Variants in ZNF28 observed in about 807,000 individuals in gnomAD.
The protein encoded by ZNF28 is zinc finger protein 28.
ZNF28 carries 5 observed loss-of-function variants against 7.2 expected under a neutral mutation model. The observed-to-expected ratio is 0.70, with a 90% CI of 0.36 to 1.46. The LOEUF (loss-of-function observed/expected upper bound fraction) is 1.46. Ranked by LOEUF, ZNF28 falls within the 40% of genes most tolerant of loss-of-function variation. ZNF28 has a pLI of 0.03. For synonymous variants in ZNF28, 288 were observed against 292.4 expected, an observed-to-expected ratio of 0.99 and a Z score of 0.15; for missense variants, 879 against 866.6, an observed-to-expected ratio of 1.01 and a Z score of -0.18.
At chr19:52,811,584 A>T (rs1465428236) in intron 2 of ZNF28, among the ~76,000 whole-genome samples, 2 of 137,324 alleles carry the variant, frequency 1.5e-5, no homozygotes, top group Non-Finnish European at 3.1e-5. Context: ...CTGGGCCGCA[A>T]CCCTGTCTGG....
chr19:52,815,773 C>T (rs1402262263), intron 2 of ZNF28, among the ~76,000 whole-genome samples: 2 of 145,972 alleles, frequency 1.4e-5, no homozygotes, highest in Non-Finnish European at 3.0e-5. Context: ...TGCAGTGAGC[C>T]GAGATTGCAC....
At position 52,800,696 on chromosome 19, in the gene ZNF28, A is replaced by T; in HGVS notation, c.1149T>A (p.Tyr383Ter). Residue 383 changes from tyrosine (Y) to a stop codon, truncating the protein, a stop_gained, in exon 4 of 4, where the codon TAT becomes TAA. Coordinates refer to ENST00000457749, the MANE Select transcript of ZNF28 (RefSeq NM_006969.5). LOFTEE classifies it low-confidence loss of function (END_TRUNC). The stretch of plus-strand genomic sequence containing the variant: ...AAACTTTTTCACATTCTTCACATTC[A>T]TAAGGTTTCTCTCCAGTATGAAGCC... ...HRRLHTGEKP[Y>*]ECEECEKVFS... 2 of 1,612,334 alleles carry T rather than the reference A, an allele frequency of 1.2e-6. No homozygotes were observed. Among genetic ancestry groups the T allele is most frequent in the South Asian group, 2.2e-5 (2 of 91,002 alleles).
At chr19:52,807,759 G>T in intron 3 of ZNF28, 1 of 640,276 alleles carries the variant, frequency 1.6e-6, no homozygotes, top group Non-Finnish European at 2.5e-6. Flanking sequence ...ACAGGCGTGA[G>T]CCACCACGAC....
At position 52,797,585 on chromosome 19, in the gene ZNF28, A is replaced by G. The variant is rs929014385; in HGVS notation, c.*2103T>C. On this transcript the variant is annotated 3_prime_UTR_variant, in exon 4 of 4. Transcript: ENST00000457749. ...CATTAACATTAAATAATTTTAAAATAAAATTAAAAACCACTTCCATTTGCT... is the reference window on the plus strand; with the variant it reads ...CATTAACATTAAATAATTTTAAAATGAAATTAAAAACCACTTCCATTTGCT... 1.0e-4 allele frequency: 16 copies of G among 152,644 alleles called. No homozygotes were observed. The highest frequency in any genetic ancestry group is 4.1e-4 in the South Asian group (2 of 4,830). The allele number at this position is 152,644 out of a possible 1,614,324, so 9.5% of individuals were successfully genotyped here. A position where few individuals can be genotyped will look rare whatever the true frequency, so the allele number is the denominator to read the frequency against.
At chr19:52,806,229 T>C (rs2062935300) in intron 3 of ZNF28, among the ~76,000 whole-genome samples, 1 of 152,108 alleles carries the variant, frequency 6.6e-6, no homozygotes, top group South Asian at 2.1e-4. Context: ...AGTTTCACTC[T>C]GTCTCCCATG....
At chr19:52,810,032 G>C in intron 2 of ZNF28, 3 of 739,472 alleles carry the variant, frequency 4.1e-6, no homozygotes, top group Admixed American at 2.0e-5. Flanking sequence ...CCGAAGAGGA[G>C]CCGCTCCAGC....
In ZNF28 at chr19:52,801,595, C is replaced by T. The variant is rs2062872334; in HGVS notation, c.250G>A (p.Asp84Asn). The change falls in exon 4 of 4, where the codon GAT becomes AAT. Residue 84 changes from aspartate (D) to asparagine (N), a missense_variant. By Grantham distance (23) the Asp-to-Asn change is conservative. This residue lies in a region of ZNF28 where 864 missense variants were observed against 830.2 expected (regional missense o/e 1.04). Transcript: ENST00000457749. Reference sequence around the variant, plus strand: ...TTCTCAATTTTCTGGAAGCAAAAATCTCCAATGTGATGACTTGCTTGTCTT... The same window carrying T: ...TTCTCAATTTTCTGGAAGCAAAAATTTCCAATGTGATGACTTGCTTGTCTT... Reference protein sequence around the residue: ...LQRQASHHIGDFCFQKIEKDI... With the variant: ...LQRQASHHIGNFCFQKIEKDI... 1.9e-6 allele frequency: 3 copies of T among 1,614,184 alleles called. No individual in the cohort carries two copies. The highest frequency in any genetic ancestry group is 2.5e-6 in the Non-Finnish European group (3 of 1,180,030).
chr19:52,807,773 G>T (rs1274815674), intron 3 of ZNF28: 1 of 720,632 alleles, frequency 1.4e-6, no homozygotes, highest in Non-Finnish European at 2.1e-6. Flanking sequence ...CCACGACCAG[G>T]CTGCCATAAA....
intron 3 of ZNF28, 40 bp downstream of exon 3, chr19:52,807,967 A>G (rs746634612): frequency 1.2e-6 from 2 of 1,611,250 alleles, no homozygotes; most frequent in South Asian, 2.2e-5. Context: ...GAGAAAATAC[A>G]AAGATACACA....
chr19:52,807,725 T>A (rs2062954162), intron 3 of ZNF28, among the ~76,000 whole-genome samples: 1 of 152,224 alleles, frequency 6.6e-6, no homozygotes, highest in African/African-American at 2.4e-5. Flanking sequence ...TCCACACGCC[T>A]TGGCCTCCCA....
At chr19:52,811,660 C>A (rs76362744) in intron 2 of ZNF28, among the ~76,000 whole-genome samples, 1 of 139,134 alleles carries the variant, frequency 7.2e-6, no homozygotes, top group Non-Finnish European at 1.6e-5. Context: ...GCCTGGCAAC[C>A]GCCCCGTCTG....
intron 2 of ZNF28, 100 bp downstream of exon 2, chr19:52,817,844 T>C: frequency 1.3e-6 from 2 of 1,584,972 alleles, no homozygotes; most frequent in South Asian, 1.1e-5. Context: ...AGCAAACATA[T>C]CAGGCAGGAC....
chr19:52,820,983 G>A (rs12985688), intron 1 of ZNF28, among the ~76,000 whole-genome samples: 16,824 of 151,544 alleles, frequency 0.11, 1,357 homozygotes, highest in African/African-American at 0.22. Flanking sequence ...TCGGAGAAGC[G>A]CATTTTCCCA....
At chr19:52,807,899 A>C in intron 3 of ZNF28, 108 bp downstream of exon 3, 9 of 1,544,830 alleles carry the variant, frequency 5.8e-6, no homozygotes, top group Non-Finnish European at 7.0e-6. Flanking sequence ...TTTTCATTTC[A>C]AAATCAATAC....
intron 2 of ZNF28, among the ~76,000 whole-genome samples, chr19:52,810,888 TCCCCCTCCCC>T (rs1568655883): frequency 0.13 from 513 of 3,966 alleles, 15 homozygotes; most frequent in Middle Eastern, 0.5. Flanking sequence ...CCCCTCCCCC[TCCCCCTCCCC>T]CTCCCTCTCC....
chr19:52,808,310 C>T (rs7257682), intron 2 of ZNF28, among the ~76,000 whole-genome samples, 177 bp from the exon 3 acceptor site: 12,316 of 152,192 alleles, frequency 0.081, 910 homozygotes, highest in South Asian at 0.2. Context: ...TCAAGACACA[C>T]TTTCAGTATG....
chr19:52,804,605 A>C (rs1046124763), intron 3 of ZNF28, among the ~76,000 whole-genome samples: 14 of 152,166 alleles, frequency 9.2e-5, no homozygotes. Context: ...TCGTGACCTC[A>C]AGTGATCAAC....
At chr19:52,810,163 C>A in intron 2 of ZNF28, 1 of 953,060 alleles carries the variant, frequency 1.0e-6, no homozygotes, top group Non-Finnish European at 1.7e-6. Flanking sequence ...GCTATCGAAG[C>A]TGGAGTCAGG....
rs771051567 is a variant in ZNF28 at position 52,800,825 on chromosome 19, T to C, written c.1020A>G (p.Ser340=). 1.6e-5 allele frequency: 26 copies of C among 1,614,038 alleles called. No individual in the cohort carries two copies. Among genetic ancestry groups the C allele is most frequent in the African/African-American group, 2.7e-5 (2 of 74,932 alleles). The change falls in exon 4 of 4, where the codon TCA becomes TCG. Residue 340 remains serine (S), a synonymous_variant. Coordinates refer to ENST00000457749, the MANE Select transcript of ZNF28 (RefSeq NM_006969.5). ...KVCDKAFTCN[S]YLAKHTIIHT... is the part of the protein sequence containing the mutation. Reference sequence around the variant, plus strand: ...GAATTATAGTATGTTTTGCTAGGTATGAATTACATGTGAAAGCTTTGTCAC... The same window carrying C: ...GAATTATAGTATGTTTTGCTAGGTACGAATTACATGTGAAAGCTTTGTCAC...
Sources: gnomAD v4.1 joint callset for allele counts (sites outside exome capture counted in the v4.1 genomes callset) on GRCh38, gnomAD v4.1.1 for gene constraint, gnomAD v4.1.1 regional missense constraint, MANE v1.5 for transcripts, NCBI Gene and HGNC (gene_info 2026-07-23, HGNC 2026-07-21) for gene names.